DNMT3A: variants seen among roughly 807,000 people sequenced by gnomAD.
DNMT3A encodes DNA (cytosine-5)-methyltransferase 3A.
Under a neutral mutation model 117.6 loss-of-function variants are expected in DNMT3A, and 267 were observed. The ratio of observed to expected loss-of-function variants is 2.27; its 90% CI spans 2.05 to 2.51. DNMT3A has a LOEUF of 2.51. DNMT3A is among the 30% of genes most tolerant of loss of function. The pLI is 0.00. For missense variants in DNMT3A, 1,029 were observed against 1,260.2 expected (o/e 0.82, Z 2.78); for synonymous variants, 432 against 474.8 (o/e 0.91, Z 1.17).
Position 25,296,412 on chromosome 2 carries a change from A to G in DNMT3A, c.177+3727T>C, listed in dbSNP as rs79905295. Among the ~76,000 whole-genome samples, 804 of 152,264 alleles carry G rather than the reference A, an allele frequency of 5.3e-3. 2 individuals are homozygous for G. Among genetic ancestry groups the G allele is most frequent in the Non-Finnish European group, 8.7e-3 (593 of 67,996 alleles). On this transcript the variant is annotated intron_variant, in intron 3 of 22. Coordinates refer to ENST00000321117, the MANE Select transcript of DNMT3A (RefSeq NM_022552.5). This position sits in a 1 kb window ranked among gnomAD's most constrained non-coding sequence, Gnocchi z 4.2. The stretch of plus-strand genomic sequence containing the variant: ...GTGAGAAGGTGAGGTTTCTGTGGCC[A>G]AAGGGGTGGCATCAGGCATAGCAGG...
rs1202808956 is a variant in DNMT3A at position 25,305,397 on chromosome 2, T to C, written c.73-5154A>G. Among the ~76,000 whole-genome samples the C allele has an allele frequency of 6.6e-6, 1 of 152,240 alleles. No homozygotes were observed. Among genetic ancestry groups the C allele is most frequent in the African/African-American group, 2.4e-5 (1 of 41,464 alleles). The stretch of plus-strand genomic sequence containing the variant: ...TCACTGGATGGATTATTTTAAGCCA[T>C]ATACAACGTCTCATTCTGATGCGCT... On this transcript the variant is annotated intron_variant, in intron 2 of 22. Transcript: ENST00000321117. The surrounding 1 kb of genome is among the most constrained non-coding windows in gnomAD (Gnocchi z 4.1).
intron 1 of DNMT3A, among the ~76,000 whole-genome samples, chr2:25,326,108 A>ATGTGTGTGTGTGTGTG (rs61521265): frequency 9.7e-4 from 138 of 142,362 alleles, no homozygotes; most frequent in East Asian, 3.0e-3. Flanking sequence ...CTTGATATAT[A>ATGTGTGTGTGTGTGTG]TGTGTGTGTG....
chr2:25,318,995 G>A (rs1252706790), intron 1 of DNMT3A, among the ~76,000 whole-genome samples: 4 of 148,660 alleles, frequency 2.7e-5, no homozygotes, highest in Non-Finnish European at 5.9e-5. Context: ...CACCACGCCT[G>A]GCCCTTTTCT....
At chr2:25,300,715 ATATATATATATATATATATATATATATAT>A (rs2033425563) in intron 2 of DNMT3A, among the ~76,000 whole-genome samples, 3 of 4,548 alleles carry the variant, frequency 6.6e-4, no homozygotes, top group Admixed American at 4.5e-3. Context: ...ATAATATAAT[ATATATATATATATATATATATATATATAT>A]ATATATATAT....
intron 4 of DNMT3A, among the ~76,000 whole-genome samples, chr2:25,278,379 G>A (rs1032036184): frequency 1.3e-5 from 2 of 152,228 alleles, no homozygotes; most frequent in African/African-American, 2.4e-5. Context: ...TTACCTCAGA[G>A]GGCAGTCACT....
chr2:25,303,428 T>TC (rs2033621222), intron 2 of DNMT3A, among the ~76,000 whole-genome samples: 1 of 152,132 alleles, frequency 6.6e-6, no homozygotes. Flanking sequence ...GCTCGGCACA[T>TC]TTTTTTCCCT....
rs540362336 is a variant in DNMT3A, at chr2:25,274,876, G to A, written c.639+65C>T. The A allele has an allele frequency of 1.7e-4, 269 of 1,557,078 alleles. No individual in the cohort carries two copies. The African/African-American group carries it at 3.4e-3, about 20-fold the overall frequency. ...GGGTTAGCCTGAAGGGGAAACTGAG[G>A]CCCATCACTTCTGGTTTTCCAGTTC... On this transcript the variant is annotated intron_variant, in intron 6 of 22. Transcript: ENST00000321117.
At position 25,246,068 on chromosome 2, in the gene DNMT3A, CA is replaced by C; in HGVS notation, c.1430-5del. 1 of 1,614,216 alleles carries C rather than the reference CA, an allele frequency of 6.2e-7. No homozygotes were observed. ...CGCACCTCGTACACCAGCCGCTCTG[CA>C]AGGGGAGGAGAGCTGGCGTCAGAGG... is the stretch of plus-strand genomic sequence containing the variant. On this transcript the variant is annotated splice_region_variant and splice_polypyrimidine_tract_variant and intron_variant, in intron 11 of 22. Coordinates refer to ENST00000321117, the MANE Select transcript of DNMT3A (RefSeq NM_022552.5).
chr2:25,316,401 T>C (rs889817601), intron 1 of DNMT3A, among the ~76,000 whole-genome samples: 1 of 152,226 alleles, frequency 6.6e-6, no homozygotes, highest in African/African-American at 2.4e-5. Context: ...CTGCAGAAAC[T>C]GTCCTCACAG....
chr2:25,240,584 A>G, intron 18 of DNMT3A, 56 bp downstream of exon 18: 2 of 1,607,774 alleles, frequency 1.2e-6, no homozygotes, highest in Non-Finnish European at 1.7e-6. Context: ...TCCAAGGAGG[A>G]AGCCTATGTG....
chr2:25,288,307 G>A (rs57077877), intron 3 of DNMT3A, among the ~76,000 whole-genome samples: 1 of 151,888 alleles, frequency 6.6e-6, no homozygotes, highest in Non-Finnish European at 1.5e-5. Context: ...GGTAGCAGGC[G>A]CCTGTAGTCC....
At chr2:25,316,526 G>A (rs953307123) in intron 1 of DNMT3A, among the ~76,000 whole-genome samples, 10 of 152,178 alleles carry the variant, frequency 6.6e-5, no homozygotes, top group African/African-American at 4.8e-5. Context: ...GTGTCTGGGC[G>A]GGCCATGTAC....
rs1485305761 is a variant in DNMT3A, at chr2:25,247,382, AG to A, written c.1014+208del. On this transcript the variant is annotated intron_variant, in intron 8 of 22. Transcript: ENST00000321117. This position sits in a 1 kb window ranked among gnomAD's most constrained non-coding sequence, Gnocchi z 5.6. The stretch of plus-strand genomic sequence containing the variant: ...GAATTCTAGTGAATAGGTTCCTGGA[AG>A]GCTAAAACTGGGCCAGCATCCTAGC... The A allele has an allele frequency of 3.5e-6, 3 of 856,636 alleles. No homozygotes were observed. Among genetic ancestry groups the A allele is most frequent in the African/African-American group, 1.7e-5 (1 of 58,598 alleles). The allele number at this position is 856,636 out of a possible 1,614,324, so 53.1% of individuals were successfully genotyped here.
rs1280029026 is a variant in DNMT3A at position 25,306,315 on chromosome 2, C to T, written c.73-6072G>A. 6.6e-6 allele frequency among the ~76,000 whole-genome samples: 1 copy of T among 152,188 alleles called. No individual in the cohort carries two copies. Among genetic ancestry groups the T allele is most frequent in the African/African-American group, 2.4e-5 (1 of 41,444 alleles). On this transcript the variant is annotated intron_variant, in intron 2 of 22. Coordinates refer to ENST00000321117, the MANE Select transcript of DNMT3A (RefSeq NM_022552.5). The surrounding 1 kb of genome is among the most constrained non-coding windows in gnomAD (Gnocchi z 4.1). Reference sequence around the variant, plus strand: ...TGGGCCCAGAGCCCTCCAAAGCCCCCTACTTTTTCTGATCTCAGTCACCTC... The same window carrying T: ...TGGGCCCAGAGCCCTCCAAAGCCCCTTACTTTTTCTGATCTCAGTCACCTC...
chr2:25,305,855 A>C lies in DNMT3A; in HGVS notation c.73-5612T>G, dbSNP rs2033754323. Among the ~76,000 whole-genome samples the C allele has an allele frequency of 1.3e-5, 2 of 152,202 alleles. No homozygotes were observed. The highest frequency in any genetic ancestry group is 4.8e-5 in the African/African-American group (2 of 41,448). On this transcript the variant is annotated intron_variant, in intron 2 of 22. Coordinates refer to ENST00000321117, the MANE Select transcript of DNMT3A (RefSeq NM_022552.5). This position sits in a 1 kb window ranked among gnomAD's most constrained non-coding sequence, Gnocchi z 4.1. ...TATGTCTCTTGAGGCCCTCACCTAG[A>C]GACAGCCAGCCTGACATACGTGTAT...
intron 4 of DNMT3A, among the ~76,000 whole-genome samples, chr2:25,277,827 C>G (rs1024665233): frequency 2.0e-5 from 3 of 152,000 alleles, no homozygotes; most frequent in African/African-American, 7.3e-5. Context: ...CCTGATGCCC[C>G]GGCAAGCTCC....
Position 25,239,131 on chromosome 2 carries a change from T to C in DNMT3A, c.2407A>G (p.Arg803Gly). 4 of 1,613,836 alleles carry C rather than the reference T, an allele frequency of 2.5e-6. No individual in the cohort carries two copies. Among genetic ancestry groups the C allele is most frequent in the Non-Finnish European group, 2.5e-6 (3 of 1,179,822 alleles). ...CCAGGCCCAGGAGCTTTCACCAACC[T>C]GTTCATACCGGGAAGGTTACCCCAG... ...YFWGNLPGMN[R>G]PLASTVNDKL... The change falls in exon 20 of 23, where the codon AGG (arginine) becomes GGG (glycine). Residue 803 changes from arginine (R) to glycine (G), a missense_variant and splice_region_variant. By Grantham distance (125) the Arg-to-Gly change is moderately radical (BLOSUM62 -2). Coordinates refer to ENST00000321117, the MANE Select transcript of DNMT3A (RefSeq NM_022552.5).
chr2:25,240,205 C>T (rs1345142179), intron 19 of DNMT3A, 97 bp downstream of exon 19: 60 of 1,549,288 alleles, frequency 3.9e-5, no homozygotes, highest in Non-Finnish European at 5.0e-5. Context: ...CAGAAGTCAC[C>T]AGTCCCCAGC....
At chr2:25,329,298 T>A (rs1263067930) in intron 1 of DNMT3A, among the ~76,000 whole-genome samples, 1 of 152,134 alleles carries the variant, frequency 6.6e-6, no homozygotes, top group Non-Finnish European at 1.5e-5. Context: ...GTTTCCCAAG[T>A]TGTAAAGCGG....
Sources: gnomAD v4.1 joint callset for allele counts (sites outside exome capture counted in the v4.1 genomes callset) on GRCh38, gnomAD v4.1.1 for gene constraint, Gnocchi (gnomAD v3.1) non-coding constraint, MANE v1.5 for transcripts, NCBI Gene and HGNC (gene_info 2026-07-23, HGNC 2026-07-21) for gene names.